SAMMSON: variants seen among roughly 807,000 people sequenced by gnomAD.
SAMMSON encodes the protein long intergenic non-protein coding RNA 1212.
chr3:70,102,416 T>C (rs1044030930), intron 4 of SAMMSON, among the ~76,000 whole-genome samples: 1 of 152,188 alleles, frequency 6.6e-6, no homozygotes, highest in African/African-American at 2.4e-5. Flanking sequence ...ATGATTCTTA[T>C]CAAATTTGAA....
At chr3:70,415,804 G>A (rs1414176511) in intron 2 of SAMMSON, among the ~76,000 whole-genome samples, 1 of 152,104 alleles carries the variant, frequency 6.6e-6, no homozygotes, top group Admixed American at 6.6e-5. Context: ...AATGTTCTGA[G>A]CAAGAATCAT....
chr3:70,004,138 G>GCA (rs1214963171), intron 1 of SAMMSON, among the ~76,000 whole-genome samples: 1 of 152,024 alleles, frequency 6.6e-6, no homozygotes, highest in Non-Finnish European at 1.5e-5. Flanking sequence ...AGGTGTTCAT[G>GCA]CACACACACA....
At chr3:70,004,882 A>G (rs1031166110) in intron 1 of SAMMSON, among the ~76,000 whole-genome samples, 2 of 152,194 alleles carry the variant, frequency 1.3e-5, no homozygotes, top group African/African-American at 4.8e-5. Flanking sequence ...ATCTACACCT[A>G]AGGCTTTAAA....
downstream of SAMMSON, chr3:70,389,972 A>T (rs1215770932): frequency 6.6e-6 from 1 of 152,282 alleles, no homozygotes; most frequent in South Asian, 2.1e-4. Flanking sequence ...CAGAGCAATG[A>T]CTGAAGGAAG....
intron 4 of SAMMSON, among the ~76,000 whole-genome samples, chr3:70,089,943 T>C (rs569394106): frequency 2.0e-5 from 3 of 152,234 alleles, no homozygotes; most frequent in Non-Finnish European, 2.9e-5. Flanking sequence ...CCCATTTTGC[T>C]GGCCTTACTT....
At chr3:70,078,239 A>G (rs1004563973) in intron 4 of SAMMSON, among the ~76,000 whole-genome samples, 2 of 152,126 alleles carry the variant, frequency 1.3e-5, no homozygotes, top group African/African-American at 2.4e-5. Context: ...GATGTAGTAA[A>G]TTGTCGCTTA....
At chr3:70,048,445 A>G (rs1035822258) in intron 3 of SAMMSON, among the ~76,000 whole-genome samples, 4 of 152,146 alleles carry the variant, frequency 2.6e-5, no homozygotes, top group African/African-American at 2.4e-5. Flanking sequence ...TCCTTGGCAC[A>G]TAAGAATCAT....
rs1559585606 is a variant in SAMMSON, at chr3:70,419,003, T to TC, written n.234-43557_234-43556insC. Among the ~76,000 whole-genome samples, 308 of 83,320 alleles carry TC rather than the reference T, an allele frequency of 3.7e-3. 11 individuals carry two copies. Among genetic ancestry groups the TC allele is most frequent in the African/African-American group, 0.013 (294 of 22,838 alleles). 54.7% of individuals were successfully genotyped at this position (83,320 alleles called of 152,430 possible). A position where few individuals can be genotyped will look rare whatever the true frequency, so the allele number is the denominator to read the frequency against. ...CTTCTCTCTCTCTCTCTCTCTCTCT[T>TC]TCTTTCTTTCTTTCCTTCTTTCTTT... On this transcript the variant is annotated intron_variant and non_coding_transcript_variant, in intron 2 of 3. Transcript: ENST00000641053.
intron 7 of SAMMSON, among the ~76,000 whole-genome samples, chr3:70,309,709 C>G (rs1702438638): frequency 2.6e-5 from 4 of 152,142 alleles, no homozygotes; most frequent in Non-Finnish European, 5.9e-5. Flanking sequence ...TGTTTGAAAA[C>G]TAACTCATCC....
intron 4 of SAMMSON, among the ~76,000 whole-genome samples, chr3:70,098,498 G>T (rs1404672080): frequency 1.3e-5 from 2 of 152,026 alleles, no homozygotes. Flanking sequence ...CTCCCGAGTA[G>T]TTGGGAGTAT....
At chr3:70,082,020 T>G (rs1413120040) in intron 4 of SAMMSON, among the ~76,000 whole-genome samples, 2 of 152,170 alleles carry the variant, frequency 1.3e-5, no homozygotes, top group Non-Finnish European at 2.9e-5. Flanking sequence ...GTTGTGCAGG[T>G]GTAGTGCTAT....
chr3:70,362,340 C>G (rs1702878609), intron 9 of SAMMSON, among the ~76,000 whole-genome samples: 1 of 152,148 alleles, frequency 6.6e-6, no homozygotes, highest in South Asian at 2.1e-4. Flanking sequence ...AGGGATCAGT[C>G]TTTGGGAAAA....
At chr3:70,390,408 T>C (rs1338802259), downstream of SAMMSON, among the ~76,000 whole-genome samples, 10 of 152,094 alleles carry the variant, frequency 6.6e-5, no homozygotes, top group Non-Finnish European at 1.5e-4. Context: ...GGATAATTTA[T>C]GAAAAGAGAG....
chr3:70,138,121 A>G (rs948404278), intron 4 of SAMMSON, among the ~76,000 whole-genome samples: 16 of 152,204 alleles, frequency 1.1e-4, no homozygotes, highest in African/African-American at 3.6e-4. Flanking sequence ...ATGAGATTCA[A>G]ATGTAAAAGC....
chr3:70,315,649 C>T (rs1575624162), intron 7 of SAMMSON, among the ~76,000 whole-genome samples: 1 of 152,180 alleles, frequency 6.6e-6, no homozygotes, highest in East Asian at 1.9e-4. Flanking sequence ...CCAAAATTGT[C>T]ATCTGGGTAA....
chr3:70,410,787 T>A, intron 2 of SAMMSON, among the ~76,000 whole-genome samples: 1 of 152,312 alleles, frequency 6.6e-6, no homozygotes. Context: ...TGAAAAGTAT[T>A]TATCATGAAA....
At chr3:70,119,075 A>AT (rs1292753241) in intron 4 of SAMMSON, among the ~76,000 whole-genome samples, 2 of 151,670 alleles carry the variant, frequency 1.3e-5, no homozygotes, top group African/African-American at 4.8e-5. Context: ...ATTTATTATT[A>AT]TTTTTTTTGA....
chr3:70,353,755 A>C (rs1288810511), intron 7 of SAMMSON, among the ~76,000 whole-genome samples: 1 of 152,214 alleles, frequency 6.6e-6, no homozygotes, highest in Non-Finnish European at 1.5e-5. Flanking sequence ...TGTTCACACA[A>C]AAACCTGTGC....
chr3:70,064,363 C>T (rs923431337), intron 3 of SAMMSON, among the ~76,000 whole-genome samples: 9 of 152,092 alleles, frequency 5.9e-5, no homozygotes, highest in Admixed American at 2.0e-4. Context: ...TGTAGTTAAG[C>T]GTTTGGCCAG....
Sources: allele counts gnomAD v4.1 joint callset (sites outside exome capture counted in the v4.1 genomes callset), GRCh38; gene constraint gnomAD v4.1.1; transcripts MANE v1.5; gene names NCBI Gene and HGNC (gene_info 2026-07-23, HGNC 2026-07-21).